IGSF9: variants seen among roughly 807,000 people sequenced by gnomAD.
IGSF9 encodes the protein immunoglobulin superfamily member 9.
Under a neutral mutation model 121.7 loss-of-function variants are expected in IGSF9, and 87 were observed. The ratio of observed to expected loss-of-function variants is 0.71; its 90% CI spans 0.60 to 0.85. The LOEUF (loss-of-function observed/expected upper bound fraction) is 0.85. IGSF9 is among the 40% of genes least tolerant of loss of function. The pLI is 0.00. For synonymous variants in IGSF9, 640 were observed against 648.4 expected (o/e 0.99, Z 0.20); for missense variants, 1,462 against 1,565.3 (o/e 0.93, Z 1.11).
Position 159,929,973 on chromosome 1 carries a change from A to T in IGSF9, c.2067T>A (p.Asp689Glu), listed in dbSNP as rs762598155. 3 of 1,590,884 alleles carry T rather than the reference A, an allele frequency of 1.9e-6. No homozygotes were observed. Among genetic ancestry groups the T allele is most frequent in the Non-Finnish European group, 2.6e-6 (3 of 1,169,692 alleles). ...CCACGAGGCGGAACTCGTAGAGAAC[A>T]TCCTGCGATGGGGATGGGGTACCAG... The part of the protein sequence containing the change: ...TELLVPGLIK[D>E]VLYEFRLVAF... Residue 689 changes from aspartate (D) to glutamate (E), a missense_variant and splice_region_variant, in exon 16 of 21, where the codon GAT (aspartate) becomes GAA (glutamate). By Grantham distance (45) the Asp-to-Glu change is conservative. Transcript: ENST00000368094.
In IGSF9 at chr1:159,928,733, G is replaced by A. The variant is rs1246872627; in HGVS notation, c.2655C>T (p.Asp885=). The change falls in exon 19 of 21, where the codon GAC becomes GAT. Residue 885 remains aspartate (D), a synonymous_variant. Transcript: ENST00000368094. ...TPAQRLARSF[D]CSSSSPSGAP... Reference sequence around the variant, plus strand: ...CCCCACTGGGGCTGCTGCTGCTACAGTCAAAGGACCGGGCCAGACGCTGGG... The same window carrying A: ...CCCCACTGGGGCTGCTGCTGCTACAATCAAAGGACCGGGCCAGACGCTGGG... 2.7e-6 allele frequency: 4 copies of A among 1,479,014 alleles called. No homozygotes were observed. Among genetic ancestry groups the A allele is most frequent in the African/African-American group, 1.4e-5 (1 of 70,696 alleles). 91.6% of individuals were successfully genotyped at this position (1,479,014 alleles called of 1,614,324 possible). A position where few individuals can be genotyped will look rare whatever the true frequency, so the allele number is the denominator to read the frequency against.
chr1:159,928,308 C>G lies in IGSF9; in HGVS notation c.3080G>C (p.Gly1027Ala), dbSNP rs1480773834. Residue 1027 changes from glycine (G) to alanine (A), a missense_variant, in exon 19 of 21, where the codon GGG (glycine) becomes GCG (alanine). Coordinates refer to ENST00000368094, the MANE Select transcript of IGSF9 (RefSeq NM_001135050.2). ...PRGSLTSQSS[G>A]RGSASFLRPP... ...CCGCAGGAACGAAGCGCTGCCTCGC[C>G]CACTGCTCTGGCTGGTGAGGCTGCC... 1 of 1,611,630 alleles carries G rather than the reference C, an allele frequency of 6.2e-7. No individual in the cohort carries two copies. Among genetic ancestry groups the G allele is most frequent in the Non-Finnish European group, 8.5e-7 (1 of 1,179,132 alleles).
In IGSF9 at chr1:159,927,826, A is replaced by T; in HGVS notation, c.3292T>A (p.Leu1098Met). The T allele has an allele frequency of 6.2e-7, 1 of 1,613,988 alleles. No individual in the cohort carries two copies. The highest frequency in any genetic ancestry group is 2.2e-5 in the East Asian group (1 of 44,860). ...WDSEFPGDME[L>M]LETLHLGLAS... ...AAGCCCAGGTGCAAAGTCTCCAGCA[A>T]TTCCATGTCCCCAGGGAATTCTGAG... Residue 1098 changes from leucine (L) to methionine (M), a missense_variant, in exon 20 of 21, where the codon TTG (leucine) becomes ATG (methionine). Physicochemically the swap from Leu to Met is conservative, Grantham distance 15 (BLOSUM62 2). Around this residue, in one of 3 missense-constraint regions of IGSF9, gnomAD observed 808 missense variants for 815.2 expected, o/e 0.99. Transcript: ENST00000368094.
At chr1:159,934,843 G>C in intron 6 of IGSF9, 21 bp from the exon 7 acceptor site, 1 of 1,613,580 alleles carries the variant, frequency 6.2e-7, no homozygotes, top group South Asian at 1.1e-5. Flanking sequence ...CACAAGGGGA[G>C]GAAGGTGGCC....
In IGSF9 at chr1:159,936,475, G is replaced by T; in HGVS notation, c.597C>A (p.Gly199=). ...GTLRIRRVER[G]SSGVYTCQAS... is the part of the protein sequence containing the mutation. ...CTTGGCAGGTGTAGACCCCAGAGCT[G>T]CCTCGCTCTACCCGGCGGATCCGCA... is the stretch of plus-strand genomic sequence containing the variant. The change falls in exon 6 of 21, where the codon GGC becomes GGA. Residue 199 remains glycine, a synonymous_variant. Coordinates refer to ENST00000368094, the MANE Select transcript of IGSF9 (RefSeq NM_001135050.2). The T allele has an allele frequency of 3.7e-6, 6 of 1,613,984 alleles. No individual in the cohort carries two copies. The highest frequency in any genetic ancestry group is 4.2e-6 in the Non-Finnish European group (5 of 1,180,010).
Position 159,943,503 on chromosome 1 carries a change from A to G in IGSF9, c.-49T>C. On this transcript the variant is annotated 5_prime_UTR_variant, in exon 2 of 21. Transcript: ENST00000368094. ...GCCCCTCCTATCCACAGGAGCCCAG[A>G]TGGAGGGGCCAAGGGATGTCCTTCT... 6.7e-7 allele frequency: 1 copy of G among 1,485,558 alleles called. No homozygotes were observed. Among genetic ancestry groups the G allele is most frequent in the Non-Finnish European group, 9.0e-7 (1 of 1,112,564 alleles). The allele number at this position is 1,485,558 out of a possible 1,614,324, so 92.0% of individuals were successfully genotyped here.
In IGSF9 at chr1:159,936,754, T is replaced by G; in HGVS notation, c.555A>C (p.Gln185His). 1 of 1,614,136 alleles carries G rather than the reference T, an allele frequency of 6.2e-7. No individual in the cohort carries two copies. Among genetic ancestry groups the G allele is most frequent in the South Asian group, 1.1e-5 (1 of 91,078 alleles). ...CACTCTGTCCACCCCCAGGACTCACTTGCACCTGGCCCTGGCCCTGGCCAA... is the reference window on the plus strand; with the variant it reads ...CACTCTGTCCACCCCCAGGACTCACGTGCACCTGGCCCTGGCCCTGGCCAA... The part of the protein sequence containing the change: ...KDLGQGQGQV[Q>H]VQNGTLRIRR... Residue 185 changes from glutamine (Q) to histidine (H), a missense_variant and splice_region_variant, in exon 5 of 21, where the codon CAA becomes CAC. Gln to His is a conservative substitution (Grantham distance 24). Around this residue, in one of 3 missense-constraint regions of IGSF9, gnomAD observed 558 missense variants for 599.4 expected, o/e 0.93. Transcript: ENST00000368094.
intron 3 of IGSF9, among the ~76,000 whole-genome samples, chr1:159,941,170 C>A (rs1007010754): frequency 6.6e-6 from 1 of 152,224 alleles, no homozygotes. Context: ...ATCCAACAGT[C>A]TCTCTCAGGG....
intron 3 of IGSF9, among the ~76,000 whole-genome samples, chr1:159,941,255 T>C (rs962990250): frequency 2.6e-5 from 4 of 152,216 alleles, no homozygotes; most frequent in African/African-American, 9.6e-5. Flanking sequence ...AGAGGGCTTA[T>C]GACAGAAGAG....
At position 159,928,178 on chromosome 1, in the gene IGSF9, A is replaced by T. The variant is rs1483465616; in HGVS notation, c.3210T>A (p.His1070Gln). The change falls in exon 19 of 21, where the codon CAT becomes CAA. Residue 1070 changes from histidine to glutamine, a missense_variant. Coordinates refer to ENST00000368094, the MANE Select transcript of IGSF9 (RefSeq NM_001135050.2). ...SGPERWPRRE[H>Q]VVTVSKRRNT... Reference sequence around the variant, plus strand: ...CTCACCTCTTGCTGACTGTCACCACATGCTCCCTTCGGGGCCATCTCTCAG... The same window carrying T: ...CTCACCTCTTGCTGACTGTCACCACTTGCTCCCTTCGGGGCCATCTCTCAG... 1 of 1,609,348 alleles carries T rather than the reference A, an allele frequency of 6.2e-7. No homozygotes were observed. The highest frequency in any genetic ancestry group is 2.2e-5 in the East Asian group (1 of 44,886).
Position 159,932,248 on chromosome 1 carries a change from AC to A in IGSF9, c.1245+263del. 3.5e-6 allele frequency: 2 copies of A among 579,046 alleles called. No individual in the cohort carries two copies. Among genetic ancestry groups the A allele is most frequent in the Non-Finnish European group, 3.1e-6 (1 of 325,862 alleles). 35.9% of individuals were successfully genotyped at this position (579,046 alleles called of 1,614,324 possible). ...CCAGAGCCCCAGAGAGGGAGGCAGC[AC>A]GGTCAAGGTTAGTGAGAGTTGGGGC... On this transcript the variant is annotated intron_variant, in intron 10 of 20. Coordinates refer to ENST00000368094, the MANE Select transcript of IGSF9 (RefSeq NM_001135050.2). The surrounding 1 kb of genome is among the most constrained non-coding windows in gnomAD (Gnocchi z 4.1).
chr1:159,935,478 T>C (rs10752634), intron 6 of IGSF9, among the ~76,000 whole-genome samples: 67,213 of 151,986 alleles, frequency 0.44, 15,290 homozygotes, highest in African/African-American at 0.55. Flanking sequence ...CTTTGCTCCC[T>C]GCACCCCCGG....
At chr1:159,940,763 C>T (rs1201595751) in intron 3 of IGSF9, among the ~76,000 whole-genome samples, 2 of 152,146 alleles carry the variant, frequency 1.3e-5, no homozygotes, top group African/African-American at 2.4e-5. Flanking sequence ...AAGTGGAGAA[C>T]GAGGTCACTG....
chr1:159,931,419 C>T lies in IGSF9; in HGVS notation c.1513+34G>A. On this transcript the variant is annotated intron_variant, in intron 12 of 20. Coordinates refer to ENST00000368094, the MANE Select transcript of IGSF9 (RefSeq NM_001135050.2). This position sits in a 1 kb window ranked among gnomAD's most constrained non-coding sequence, Gnocchi z 4.8. ...TCCAAAAACGATTCCCAAGTAGTTT[C>T]TCCCAGCCCCTGGCCCTCTCTCCAG... 1.2e-6 allele frequency: 2 copies of T among 1,605,216 alleles called. No individual in the cohort carries two copies. The highest frequency in any genetic ancestry group is 1.1e-5 in the South Asian group (1 of 90,650).
chr1:159,929,759 C>G lies in IGSF9; in HGVS notation c.2205G>C (p.Val735=), dbSNP rs1449974055. Residue 735 remains valine (V), a synonymous_variant, in exon 17 of 21, where the codon GTG becomes GTC. Coordinates refer to ENST00000368094, the MANE Select transcript of IGSF9 (RefSeq NM_001135050.2). ...AGACTCCGCCCACCACGCCGGCCAG[C>G]ACGGGCTGAGGCAGGAGGCCCGGCA... The part of the protein sequence containing the change: ...TQLPGLLPQP[V]LAGVVGGVCF... 1 of 1,605,812 alleles carries G rather than the reference C, an allele frequency of 6.2e-7. No individual in the cohort carries two copies.
At chr1:159,937,937 G>T in intron 3 of IGSF9, 99 bp from the exon 4 acceptor site, 1 of 1,273,208 alleles carries the variant, frequency 7.9e-7, no homozygotes, top group Non-Finnish European at 1.1e-6. Context: ...AACAGGCTCA[G>T]TCTCTCCCAG....
chr1:159,927,174 G>A lies in IGSF9; in HGVS notation c.*171C>T. The stretch of plus-strand genomic sequence containing the variant: ...GTTCCAATCCCCAGACTCACCTAGG[G>A]GGTCAGCACATACATTCCATACCAA... On this transcript the variant is annotated 3_prime_UTR_variant, in exon 21 of 21. Transcript: ENST00000368094. 1 of 698,522 alleles carries A rather than the reference G, an allele frequency of 1.4e-6. No individual in the cohort carries two copies. The highest frequency in any genetic ancestry group is 2.7e-5 in the East Asian group (1 of 37,542). The allele number at this position is 698,522 out of a possible 1,614,324, so 43.3% of individuals were successfully genotyped here. A position where few individuals can be genotyped will look rare whatever the true frequency, so the allele number is the denominator to read the frequency against.
intron 4 of IGSF9, 123 bp from the exon 5 acceptor site, chr1:159,937,031 G>A (rs1651215596): frequency 3.1e-6 from 3 of 965,962 alleles, no homozygotes; most frequent in Admixed American, 4.9e-5. Flanking sequence ...TGCCTCATAG[G>A]AGTCCTCAGC....
In IGSF9 at chr1:159,929,628, A is replaced by C. The variant is rs1650897538; in HGVS notation, c.2326+10T>G. On this transcript the variant is annotated intron_variant, in intron 17 of 20. Transcript: ENST00000368094. ...TGCGCAGTAGCAGGGCTGAGGGTGGAGGGACTTACCTTGGCGGAGGCGCTT... is the reference window on the plus strand; with the variant it reads ...TGCGCAGTAGCAGGGCTGAGGGTGGCGGGACTTACCTTGGCGGAGGCGCTT... 3 of 1,591,162 alleles carry C rather than the reference A, an allele frequency of 1.9e-6. No individual in the cohort carries two copies. Among genetic ancestry groups the C allele is most frequent in the Non-Finnish European group, 2.6e-6 (3 of 1,170,060 alleles).
Sources: gnomAD v4.1 joint callset for allele counts (sites outside exome capture counted in the v4.1 genomes callset) on GRCh38, gnomAD v4.1.1 for gene constraint, gnomAD v4.1.1 regional missense constraint, Gnocchi (gnomAD v3.1) non-coding constraint, MANE v1.5 for transcripts, NCBI Gene and HGNC (gene_info 2026-07-23, HGNC 2026-07-21) for gene names.